Variants in OSBPL2 observed in about 807,000 individuals in gnomAD.
OSBPL2 encodes oxysterol-binding protein-related protein 2.
OSBPL2 carries 18 observed loss-of-function variants against 58.4 expected under a neutral mutation model. The ratio of observed to expected loss-of-function variants is 0.31; its 90% CI spans 0.21 to 0.46. The LOEUF (loss-of-function observed/expected upper bound fraction) is 0.46, where lower values mean the gene tolerates loss of function less well. Ranked by LOEUF, OSBPL2 falls within the 20% of genes least tolerant of loss-of-function variation. The probability of loss-of-function intolerance (pLI) is 1.00; values close to 1 mark genes in which losing one functional copy is unlikely to be tolerated. For synonymous variants in OSBPL2, 221 were observed against 234.1 expected (o/e 0.94, Z 0.51); for missense variants, 461 against 616.5 (o/e 0.75, Z 2.67).
rs1983690451 is a variant in OSBPL2, at chr20:62,293,876, G to A, written c.1432G>A (p.Asp478Asn). The change falls in exon 14 of 14, where the codon GAT becomes AAT. Residue 478 changes from aspartate (D) to asparagine (N), a missense_variant. Asp to Asn is a conservative substitution (Grantham distance 23). Around this residue, in one of 5 missense-constraint regions of OSBPL2, gnomAD observed 319 missense variants for 419.2 expected, o/e 0.76. Transcript: ENST00000313733. ...TGAGCGGAATTTCTCCGACTGCCCAGATATCTACTGAGGGCCTGGAGGGGC... is the reference window on the plus strand; with the variant it reads ...TGAGCGGAATTTCTCCGACTGCCCAAATATCTACTGAGGGCCTGGAGGGGC... ...YFERNFSDCP[D>N]IY 2.5e-6 allele frequency: 4 copies of A among 1,613,834 alleles called. No homozygotes were observed. The highest frequency in any genetic ancestry group is 1.7e-5 in the Admixed American group (1 of 59,978).
intron 4 of OSBPL2, among the ~76,000 whole-genome samples, chr20:62,266,210 G>A (rs1458321863): frequency 1.3e-5 from 2 of 152,202 alleles, no homozygotes; most frequent in African/African-American, 4.8e-5. Flanking sequence ...GGTGAGGGTT[G>A]TGGAGAGATT....
chr20:62,291,936 AC>A, intron 13 of OSBPL2, 143 bp downstream of exon 13: 2 of 584,418 alleles, frequency 3.4e-6, no homozygotes, highest in South Asian at 4.0e-5. Flanking sequence ...GCCTTCTCTC[AC>A]CCCCACACCC....
rs377327967 is a variant in OSBPL2 at position 62,291,722 on chromosome 20, G to A, written c.1269G>A (p.Lys423=). The change falls in exon 13 of 14, where the codon AAG becomes AAA. Residue 423 remains lysine (K), a synonymous_variant. Coordinates refer to ENST00000313733, the MANE Select transcript of OSBPL2 (RefSeq NM_144498.4). ...NGNMDLASQE[K]ERLEEKQREA... is the part of the protein sequence containing the mutation. ...TCCTAGATCTGGCCAGCCAGGAGAA[G>A]GAGCGGCTGGAGGAGAAGCAGAGAG... 3.2e-5 allele frequency: 52 copies of A among 1,613,606 alleles called. No individual in the cohort carries two copies. Among genetic ancestry groups the A allele is most frequent in the Non-Finnish European group, 4.2e-5 (50 of 1,180,018 alleles).
intron 10 of OSBPL2, chr20:62,285,386 G>A (rs1272705479): frequency 6.6e-6 from 1 of 152,264 alleles, no homozygotes; most frequent in Admixed American, 6.5e-5. Context: ...GGTGCCTACA[G>A]CCAGTGTGAA....
At chr20:62,290,367 C>G (rs1983411478) in intron 12 of OSBPL2, among the ~76,000 whole-genome samples, 1 of 150,022 alleles carries the variant, frequency 6.7e-6, no homozygotes, top group East Asian at 2.0e-4. Context: ...TCCCGAGTAG[C>G]TGGGACTACA....
chr20:62,260,067 A>G lies in OSBPL2; in HGVS notation c.124A>G (p.Asn42Asp), dbSNP rs1485924137. ...GMIDLDTSKNNRIGKTGERPS... is the reference protein window; with the variant it reads ...GMIDLDTSKNDRIGKTGERPS... ...GATTGACTTAGACACCAGCAAAAATAATAGGATTGGGAAAACTGGGGAGAG... is the reference window on the plus strand; with the variant it reads ...GATTGACTTAGACACCAGCAAAAATGATAGGATTGGGAAAACTGGGGAGAG... Residue 42 changes from asparagine to aspartate, a missense_variant, in exon 3 of 14, where the codon AAT becomes GAT. By Grantham distance (23) the Asn-to-Asp change is conservative. This residue lies in a region of OSBPL2 where 80 missense variants were observed against 74.8 expected (regional missense o/e 1.07). Coordinates refer to ENST00000313733, the MANE Select transcript of OSBPL2 (RefSeq NM_144498.4). 1 of 1,613,862 alleles carries G rather than the reference A, an allele frequency of 6.2e-7. No individual in the cohort carries two copies. The highest frequency in any genetic ancestry group is 8.5e-7 in the Non-Finnish European group (1 of 1,179,890).
chr20:62,291,313 C>A (rs1285861876), intron 12 of OSBPL2: 2 of 326,712 alleles, frequency 6.1e-6, no homozygotes, highest in East Asian at 8.3e-5. Context: ...AAAGGGAGCT[C>A]GTCTTTGGGA....
chr20:62,290,984 C>T (rs750873153), intron 12 of OSBPL2, among the ~76,000 whole-genome samples: 4 of 152,112 alleles, frequency 2.6e-5, no homozygotes, highest in Non-Finnish European at 2.9e-5. Context: ...GTGATCCACC[C>T]GCCTTGGCCT....
chr20:62,245,712 C>T (rs551662484), intron 1 of OSBPL2, among the ~76,000 whole-genome samples: 1 of 152,344 alleles, frequency 6.6e-6, no homozygotes, highest in African/African-American at 2.4e-5. Context: ...CCTGAGCGGC[C>T]AGTCGTACGT....
rs376020686 is a variant in OSBPL2, at chr20:62,281,007, G to A, written c.675-51G>A. ...TGGTCGTTGCGTCTTGGGTCACGTC[G>A]TGTCTTGGCTTTTCTGGACTCTCAC... On this transcript the variant is annotated intron_variant, in intron 7 of 13. Coordinates refer to ENST00000313733, the MANE Select transcript of OSBPL2 (RefSeq NM_144498.4). 2.8e-6 allele frequency: 4 copies of A among 1,435,272 alleles called. 1 individual carries two copies. Among genetic ancestry groups the A allele is most frequent in the African/African-American group, 1.4e-5 (1 of 71,420 alleles). 88.9% of individuals were successfully genotyped at this position (1,435,272 alleles called of 1,614,324 possible).
chr20:62,248,727 G>T (rs188276671), intron 1 of OSBPL2, among the ~76,000 whole-genome samples: 1 of 151,818 alleles, frequency 6.6e-6, no homozygotes, highest in African/African-American at 2.4e-5. Context: ...GTCTTGTTCT[G>T]TTGCCCTCTC....
rs1451608992 is a variant in OSBPL2 at position 62,294,604 on chromosome 20, C to G, written c.*717C>G. On this transcript the variant is annotated 3_prime_UTR_variant, in exon 14 of 14. Coordinates refer to ENST00000313733, the MANE Select transcript of OSBPL2 (RefSeq NM_144498.4). ...CCAGAGTGGGCAGAAGCATCGAGAG[C>G]GTGACAGGAAATCCCAAGACTGCTT... 6.6e-6 allele frequency: 1 copy of G among 152,456 alleles called. No homozygotes were observed. The highest frequency in any genetic ancestry group is 6.5e-5 in the Admixed American group (1 of 15,290). The allele number at this position is 152,456 out of a possible 1,614,324, so 9.4% of individuals were successfully genotyped here.
At chr20:62,279,521 T>G in intron 7 of OSBPL2, 182 bp downstream of exon 7, 1 of 620,914 alleles carries the variant, frequency 1.6e-6, no homozygotes, top group East Asian at 2.8e-5. Context: ...GTTGCTGGGG[T>G]GCGTCCTCAC....
intron 1 of OSBPL2, among the ~76,000 whole-genome samples, chr20:62,252,001 C>G (rs964297210): frequency 6.7e-6 from 1 of 148,844 alleles, no homozygotes; most frequent in East Asian, 2.0e-4. Context: ...TCCACTTCAG[C>G]CTCCTGTGTA....
chr20:62,280,378 A>T (rs1470803832), intron 7 of OSBPL2, among the ~76,000 whole-genome samples: 1 of 152,228 alleles, frequency 6.6e-6, no homozygotes, highest in African/African-American at 2.4e-5. Flanking sequence ...GCATGCAGAA[A>T]TGAGAAGTTG....
chr20:62,248,672 C>CTTTATTTA (rs3078864), intron 1 of OSBPL2, among the ~76,000 whole-genome samples: 51,238 of 147,718 alleles, frequency 0.35, 10,011 homozygotes, highest in East Asian at 0.46. Context: ...GTCAGATCTG[C>CTTTATTTA]TTTATTTATT....
chr20:62,243,432 C>T (rs1452656102), intron 1 of OSBPL2, among the ~76,000 whole-genome samples: 1 of 141,228 alleles, frequency 7.1e-6, no homozygotes, highest in Non-Finnish European at 1.5e-5. Flanking sequence ...AGCGCCTGCC[C>T]CGCAGCCCCT....
In OSBPL2 at chr20:62,279,237, A is replaced by G. The variant is rs1385022544; in HGVS notation, c.572A>G (p.Asn191Ser). The G allele has an allele frequency of 5.6e-6, 9 of 1,614,216 alleles. No homozygotes were observed. Among genetic ancestry groups the G allele is most frequent in the Non-Finnish European group, 7.6e-6 (9 of 1,180,018 alleles). The change falls in exon 7 of 14, where the codon AAC becomes AGC. Residue 191 changes from asparagine (N) to serine (S), a missense_variant. Physicochemically the swap from Asn to Ser is conservative, Grantham distance 46 (BLOSUM62 1). Coordinates refer to ENST00000313733, the MANE Select transcript of OSBPL2 (RefSeq NM_144498.4). ...AGTGCGTTCCACTCGGAAGGTCTCA[A>G]CCATGACTTCCTGTTCCATGGCTCC... Reference protein sequence around the residue: ...PISAFHSEGLNHDFLFHGSIY... With the variant: ...PISAFHSEGLSHDFLFHGSIY...
chr20:62,244,158 G>C (rs1186764928), intron 1 of OSBPL2, among the ~76,000 whole-genome samples: 1 of 152,178 alleles, frequency 6.6e-6, no homozygotes, highest in East Asian at 1.9e-4. Flanking sequence ...GGGGAAGGCC[G>C]GGAGCCCTGC....
Sources: allele counts gnomAD v4.1 joint callset (sites outside exome capture counted in the v4.1 genomes callset), GRCh38; gene constraint gnomAD v4.1.1; regional missense constraint gnomAD v4.1.1; transcripts MANE v1.5; gene names NCBI Gene and HGNC (gene_info 2026-07-23, HGNC 2026-07-21).